Variants in MGAT4C observed in about 807,000 individuals in gnomAD.
The protein encoded by MGAT4C is MGAT4 family member C.
In MGAT4C, 19 loss-of-function variants were observed where a neutral mutation model predicts 40.1. That is an observed-to-expected ratio of 0.47 (90% confidence interval 0.33 to 0.70). MGAT4C has a LOEUF of 0.70. Ranked by LOEUF, MGAT4C falls within the 30% of genes least tolerant of loss-of-function variation. MGAT4C has a pLI of 0.02. For missense variants in MGAT4C, 491 were observed against 563.2 expected (o/e 0.87, Z 1.30); for synonymous variants, 181 against 187.1 (o/e 0.97, Z 0.27).
intron 1 of MGAT4C, among the ~76,000 whole-genome samples, chr12:86,780,416 G>A (rs531157729): frequency 9.3e-4 from 141 of 152,074 alleles, no homozygotes; most frequent in Non-Finnish European, 1.4e-3. Context: ...AGTGTTAGAG[G>A]AGGGGCGGGT....
chr12:86,429,776 A>G (rs1565756845), intron 3 of MGAT4C, among the ~76,000 whole-genome samples: 1 of 152,066 alleles, frequency 6.6e-6, no homozygotes. Flanking sequence ...GTTGAATTTG[A>G]TTGAAGACCT....
intron 2 of MGAT4C, among the ~76,000 whole-genome samples, chr12:86,489,390 G>T (rs886827279): frequency 6.6e-6 from 1 of 152,098 alleles, no homozygotes; most frequent in African/African-American, 2.4e-5. Flanking sequence ...AGACCTCTGG[G>T]CACTGCACAA....
chr12:86,365,425 G>C (rs995099684), intron 3 of MGAT4C, among the ~76,000 whole-genome samples: 9 of 152,110 alleles, frequency 5.9e-5, no homozygotes, highest in African/African-American at 1.9e-4. Flanking sequence ...CCCAGCTTAC[G>C]AGGATGACGG....
intron 2 of MGAT4C, among the ~76,000 whole-genome samples, chr12:86,454,619 A>G (rs943957594): frequency 6.6e-6 from 1 of 152,176 alleles, no homozygotes; most frequent in Non-Finnish European, 1.5e-5. Context: ...TTGTATTTGC[A>G]CATCAGTTCA....
At chr12:86,129,186 C>G (rs926567268) in intron 1 of MGAT4C, among the ~76,000 whole-genome samples, 1 of 151,464 alleles carries the variant, frequency 6.6e-6, no homozygotes, top group African/African-American at 2.4e-5. Flanking sequence ...AAGGACTGAG[C>G]CCCGAACAAA....
At chr12:86,068,691 C>G (rs547652647) in intron 1 of MGAT4C, among the ~76,000 whole-genome samples, 2 of 151,980 alleles carry the variant, frequency 1.3e-5, no homozygotes, top group South Asian at 4.2e-4. Flanking sequence ...TTGTGCCAAT[C>G]TAATCTATAG....
chr12:86,717,636 T>TCA (rs1950666945), intron 2 of MGAT4C, among the ~76,000 whole-genome samples: 1 of 152,172 alleles, frequency 6.6e-6, no homozygotes, highest in African/African-American at 2.4e-5. Flanking sequence ...GTCATTACTT[T>TCA]ATAAATTGTT....
chr12:86,052,962 G>A (rs1323749058), intron 1 of MGAT4C, among the ~76,000 whole-genome samples: 2 of 151,988 alleles, frequency 1.3e-5, no homozygotes, highest in African/African-American at 4.8e-5. Flanking sequence ...GCAAACGGCA[G>A]CAAAGGTACT....
chr12:86,303,175 C>T (rs1177523789), intron 4 of MGAT4C, among the ~76,000 whole-genome samples: 2 of 150,522 alleles, frequency 1.3e-5, no homozygotes, highest in Non-Finnish European at 2.9e-5. Flanking sequence ...AAAATGAAGA[C>T]AGGAGAACTT....
intron 1 of MGAT4C, among the ~76,000 whole-genome samples, chr12:86,215,169 A>G (rs1027086152): frequency 5.9e-5 from 9 of 152,158 alleles, no homozygotes; most frequent in South Asian, 2.1e-4. Flanking sequence ...ATTTTAAATT[A>G]AAACCAATCC....
At chr12:86,360,523 T>C (rs1418525144) in intron 3 of MGAT4C, among the ~76,000 whole-genome samples, 1 of 152,088 alleles carries the variant, frequency 6.6e-6, no homozygotes, top group Non-Finnish European at 1.5e-5. Flanking sequence ...GGGTATTCAA[T>C]TAGGAAAAGA....
chr12:86,524,489 G>T (rs528872513), intron 2 of MGAT4C, among the ~76,000 whole-genome samples: 1 of 152,194 alleles, frequency 6.6e-6, no homozygotes, highest in Non-Finnish European at 1.5e-5. Flanking sequence ...CTATCTAGCT[G>T]CCTTGAACAC....
At chr12:86,140,809 A>G (rs1007921398) in intron 1 of MGAT4C, among the ~76,000 whole-genome samples, 1 of 152,202 alleles carries the variant, frequency 6.6e-6, no homozygotes, top group African/African-American at 2.4e-5. Context: ...ATGCTGAATG[A>G]GAATGACTAA....
At chr12:85,989,761 TAAATAA>T (rs1461683483) in intron 2 of MGAT4C, among the ~76,000 whole-genome samples, 2 of 151,812 alleles carry the variant, frequency 1.3e-5, no homozygotes, top group Admixed American at 1.3e-4. Flanking sequence ...TAATGTAGAG[TAAATAA>T]AAATAAAAAG....
At chr12:86,691,238 C>T (rs1950168028) in intron 2 of MGAT4C, among the ~76,000 whole-genome samples, 1 of 152,156 alleles carries the variant, frequency 6.6e-6, no homozygotes. Flanking sequence ...ATGTTTAAAG[C>T]ATAGTGGAGC....
At chr12:86,540,939 G>A (rs1592967603) in intron 2 of MGAT4C, among the ~76,000 whole-genome samples, 1 of 152,222 alleles carries the variant, frequency 6.6e-6, no homozygotes, top group African/African-American at 2.4e-5. Context: ...GGGTGGGTGA[G>A]GTATCTCAAA....
intron 1 of MGAT4C, among the ~76,000 whole-genome samples, chr12:86,829,935 T>C (rs1409758665): frequency 6.6e-6 from 1 of 150,906 alleles, no homozygotes; most frequent in East Asian, 2.0e-4. Flanking sequence ...ATGTTTTTTT[T>C]ACATTTATAT....
chr12:86,490,173 G>T (rs1027086182), intron 2 of MGAT4C, among the ~76,000 whole-genome samples: 1 of 152,136 alleles, frequency 6.6e-6, no homozygotes, highest in Non-Finnish European at 1.5e-5. Flanking sequence ...CAGCCAGAGA[G>T]AAAGGTCGGG....
At chr12:86,586,892 T>A (rs1053384678) in intron 2 of MGAT4C, among the ~76,000 whole-genome samples, 1 of 151,996 alleles carries the variant, frequency 6.6e-6, no homozygotes, top group African/African-American at 2.4e-5. Flanking sequence ...TTTTCTCCCA[T>A]TTTGTGGGTT....
Sources: gnomAD v4.1 joint callset for allele counts (sites outside exome capture counted in the v4.1 genomes callset) on GRCh38, gnomAD v4.1.1 for gene constraint, MANE v1.5 for transcripts, NCBI Gene and HGNC (gene_info 2026-07-23, HGNC 2026-07-21) for gene names.